The following DLC1 variants were observed in gnomAD, a reference collection of about 807,000 sequenced individuals.
The protein encoded by DLC1 is DLC1 Rho GTPase activating protein, also known as rho GTPase-activating protein 7.
Under a neutral mutation model 140.3 loss-of-function variants are expected in DLC1, and 54 were observed. The ratio of observed to expected loss-of-function variants is 0.38; its 90% CI spans 0.31 to 0.48. The LOEUF (loss-of-function observed/expected upper bound fraction) is 0.48. Among genes scored for constraint, DLC1 ranks in the 20% least tolerant of loss-of-function variants. The pLI, the probability that DLC1 is intolerant of heterozygous loss-of-function variation, is 0.96. For missense variants in DLC1, 2,536 were observed against 1,907.0 expected (o/e 1.33, Z -6.14); for synonymous variants, 986 against 728.1 (o/e 1.35, Z -5.70).
chr8:13,247,170 C>T (rs1055325947), intron 5 of DLC1, among the ~76,000 whole-genome samples: 5 of 152,164 alleles, frequency 3.3e-5, no homozygotes, highest in African/African-American at 9.7e-5. Context: ...GAAATGATGG[C>T]AAGAATTCAT....
At position 13,095,120 on chromosome 8, in the gene DLC1, G is replaced by C. The variant is rs1248507386; in HGVS notation, c.3293C>G (p.Ala1098Gly). The C allele has an allele frequency of 6.2e-7, 1 of 1,614,262 alleles. No homozygotes were observed. The change falls in exon 11 of 18, where the codon GCC becomes GGC. Residue 1098 changes from alanine (A) to glycine (G), a missense_variant. Transcript: ENST00000276297. ...ACAATGGTTCCGGAGGTATCGCATGGCCTGCTGGATGCTCTGAGGCAACGG... is the reference window on the plus strand; with the variant it reads ...ACAATGGTTCCGGAGGTATCGCATGCCCTGCTGGATGCTCTGAGGCAACGG... ...GQPLPQSIQQAMRYLRNHCLD... is the reference protein window; with the variant it reads ...GQPLPQSIQQGMRYLRNHCLD...
intron 4 of DLC1, among the ~76,000 whole-genome samples, chr8:13,370,074 A>C (rs1180414115): frequency 6.6e-6 from 1 of 150,708 alleles, no homozygotes; most frequent in Non-Finnish European, 1.5e-5. Context: ...AGGTATGTAC[A>C]TTGTTTGTTT....
At chr8:13,183,168 A>G (rs900429714) in intron 5 of DLC1, among the ~76,000 whole-genome samples, 5 of 152,190 alleles carry the variant, frequency 3.3e-5, no homozygotes, top group Admixed American at 6.6e-5. Flanking sequence ...TTGATTTTGT[A>G]TCCTGAGACT....
chr8:13,392,692 C>G (rs1479203262), intron 4 of DLC1, among the ~76,000 whole-genome samples: 2 of 152,052 alleles, frequency 1.3e-5, no homozygotes, highest in Non-Finnish European at 2.9e-5. Context: ...TAAGTGTTAC[C>G]TTTTAGAGTC....
intron 7 of DLC1, among the ~76,000 whole-genome samples, chr8:13,107,178 T>G (rs1006092271): frequency 1.3e-5 from 2 of 152,234 alleles, no homozygotes; most frequent in African/African-American, 4.8e-5. Context: ...AGTCCCACAC[T>G]TGTAACTTTT....
At chr8:13,339,896 A>T (rs1324256190) in intron 4 of DLC1, 1 of 152,158 alleles carries the variant, frequency 6.6e-6, no homozygotes, top group Admixed American at 6.5e-5. Flanking sequence ...AATGTCCGCT[A>T]TGTGCTAAAA....
intron 5 of DLC1, chr8:13,214,543 G>T: frequency 1.4e-6 from 1 of 692,710 alleles, no homozygotes; most frequent in South Asian, 1.7e-5. Flanking sequence ...GCTGTCCCCC[G>T]GCCCCAACCC....
In DLC1 at chr8:13,307,205, T is replaced by G. The variant is rs1270716818; in HGVS notation, c.1315-1903A>C. 2.6e-5 allele frequency among the ~76,000 whole-genome samples: 4 copies of G among 152,078 alleles called. No homozygotes were observed. The East Asian group carries it at 7.7e-4, about 29-fold the overall frequency. Reference sequence around the variant, plus strand: ...CATTTCGTTGTTCAGCACTGTTCTCTGGGTGTGAACCGTTTCTCCGCATGC... The same window carrying G: ...CATTTCGTTGTTCAGCACTGTTCTCGGGGTGTGAACCGTTTCTCCGCATGC... On this transcript the variant is annotated intron_variant, in intron 4 of 17. Transcript: ENST00000276297.
chr8:13,219,108 A>ATATACGAATATAAT (rs1402858994), intron 5 of DLC1, among the ~76,000 whole-genome samples: 19 of 123,858 alleles, frequency 1.5e-4, no homozygotes, highest in East Asian at 4.6e-4. Context: ...TTATATAATT[A>ATATACGAATATAAT]TATGTGAATA....
intron 5 of DLC1, among the ~76,000 whole-genome samples, chr8:13,139,084 A>T (rs1181757659): frequency 1.3e-5 from 2 of 151,926 alleles, no homozygotes; most frequent in Admixed American, 1.3e-4. Flanking sequence ...CGAGTTTGAG[A>T]CCAGCCTGGG....
intron 5 of DLC1, among the ~76,000 whole-genome samples, chr8:13,287,406 C>T (rs769311872): frequency 1.3e-5 from 2 of 152,022 alleles, no homozygotes; most frequent in African/African-American, 2.4e-5. Flanking sequence ...ACTTTATTTT[C>T]ATTATATTTT....
At chr8:13,148,421 T>C (rs1427953909) in intron 5 of DLC1, among the ~76,000 whole-genome samples, 2 of 152,338 alleles carry the variant, frequency 1.3e-5, no homozygotes, top group Middle Eastern at 3.4e-3. Context: ...CTGAGGATAA[T>C]AGCCTCCAGC....
chr8:13,558,130 G>A (rs11990234), intron 1 of DLC1: 71,563 of 152,010 alleles, frequency 0.47, 17,051 homozygotes, highest in East Asian at 0.58. Context: ...ATGTTCCAAT[G>A]GGCAGTTTCA....
chr8:13,321,836 C>G (rs73562565), intron 4 of DLC1, among the ~76,000 whole-genome samples: 5 of 152,208 alleles, frequency 3.3e-5, no homozygotes. Flanking sequence ...TGACATAGGC[C>G]AGATGAGAGA....
chr8:13,593,816 T>C (rs1392399724), intron 1 of DLC1, among the ~76,000 whole-genome samples: 1 of 152,084 alleles, frequency 6.6e-6, no homozygotes, highest in Non-Finnish European at 1.5e-5. Context: ...TCGCACATCC[T>C]TGAGGTGGTG....
At chr8:13,450,079 C>A (rs1798969540) in intron 2 of DLC1, among the ~76,000 whole-genome samples, 1 of 151,444 alleles carries the variant, frequency 6.6e-6, no homozygotes, top group African/African-American at 2.4e-5. Context: ...AATCATTTTA[C>A]TAAAATAAAT....
intron 2 of DLC1, among the ~76,000 whole-genome samples, chr8:13,466,686 G>C (rs1799959109): frequency 6.6e-6 from 1 of 152,124 alleles, no homozygotes; most frequent in Non-Finnish European, 1.5e-5. Flanking sequence ...GAGAAACTAC[G>C]ACACAAAATT....
chr8:13,564,963 A>T (rs1357506146), intron 1 of DLC1, among the ~76,000 whole-genome samples: 2 of 152,174 alleles, frequency 1.3e-5, no homozygotes, highest in Non-Finnish European at 2.9e-5. Context: ...GACATTCCCA[A>T]CAGCCCCTGA....
chr8:13,547,565 A>G (rs879846247), intron 1 of DLC1, among the ~76,000 whole-genome samples: 12 of 152,050 alleles, frequency 7.9e-5, no homozygotes, highest in Admixed American at 2.0e-4. Flanking sequence ...AGTATATGCT[A>G]TTGCTCTCAA....
Sources: allele counts gnomAD v4.1 joint callset (sites outside exome capture counted in the v4.1 genomes callset), GRCh38; gene constraint gnomAD v4.1.1; transcripts MANE v1.5; gene names NCBI Gene and HGNC (gene_info 2026-07-23, HGNC 2026-07-21).